TIMM9: variants seen among roughly 807,000 people sequenced by gnomAD.
TIMM9 encodes mitochondrial import inner membrane translocase subunit Tim9.
TIMM9 carries 10 observed loss-of-function variants against 13.4 expected under a neutral mutation model. The ratio of observed to expected loss-of-function variants is 0.75; its 90% confidence interval spans 0.46 to 1.26. TIMM9 has a LOEUF of 1.26. TIMM9 is among the 50% of genes most tolerant of loss of function. The pLI, the probability that TIMM9 is intolerant of heterozygous loss-of-function variation, is 0.00. For synonymous variants in TIMM9, 32 were observed against 32.1 expected, an observed-to-expected ratio of 1.00 and a Z score of 0.01; for missense variants, 87 against 100.8, an observed-to-expected ratio of 0.86 and a Z score of 0.58.
chr14:58,416,754 C>T (rs1304774843), intron 3 of TIMM9, among the ~76,000 whole-genome samples: 3 of 152,158 alleles, frequency 2.0e-5, no homozygotes, highest in African/African-American at 4.8e-5. Context: ...GACATCATTA[C>T]ATGGTGATAA....
chr14:58,411,829 AC>A, intron 4 of TIMM9, 77 bp downstream of exon 4: 1 of 1,365,398 alleles, frequency 7.3e-7, no homozygotes, highest in East Asian at 2.3e-5. Context: ...GAGCCACTGC[AC>A]CCAGCCTGAC....
intron 5 of TIMM9, among the ~76,000 whole-genome samples, chr14:58,409,769 G>A (rs985642802): frequency 2.0e-5 from 3 of 151,546 alleles, no homozygotes; most frequent in African/African-American, 2.4e-5. Flanking sequence ...TAGTAGAGAC[G>A]GGGTTTCACT....
At chr14:58,415,757 G>A (rs895760500) in intron 3 of TIMM9, among the ~76,000 whole-genome samples, 2 of 152,094 alleles carry the variant, frequency 1.3e-5, no homozygotes, top group African/African-American at 4.8e-5. Context: ...CCAAGAAGGA[G>A]AGGAAGAAAA....
chr14:58,408,596 G>A lies in TIMM9; in HGVS notation c.*438C>T, dbSNP rs201607002. Reference sequence around the variant, plus strand: ...GATCCTGATTGAAAAACATTTCAACGTATCCACAGTCCAGTGAGAATACTA... The same window carrying A: ...GATCCTGATTGAAAAACATTTCAACATATCCACAGTCCAGTGAGAATACTA... On this transcript the variant is annotated 3_prime_UTR_variant, in exon 6 of 6. Coordinates refer to ENST00000395159, the MANE Select transcript of TIMM9 (RefSeq NM_012460.4). The A allele has an allele frequency of 2.0e-5, 33 of 1,611,684 alleles. No homozygotes were observed. Among genetic ancestry groups the A allele is most frequent in the African/African-American group, 5.3e-5 (4 of 74,930 alleles).
intron 4 of TIMM9, 47 bp downstream of exon 4, chr14:58,411,860 C>A: frequency 6.3e-7 from 1 of 1,576,536 alleles, no homozygotes; most frequent in South Asian, 1.1e-5. Context: ...TTAGTAGCAC[C>A]TTACATTTTT....
In TIMM9 at chr14:58,408,543, CATGA is replaced by C. The variant is rs2047707528; in HGVS notation, c.*487_*490del. 2 of 1,613,816 alleles carry C rather than the reference CATGA, an allele frequency of 1.2e-6. No homozygotes were observed. Among genetic ancestry groups the C allele is most frequent in the African/African-American group, 1.3e-5 (1 of 75,020 alleles). ...GTATTCACCAGCAATTTGAGGCAGA[CATGA>C]ATGAACAGGACTGCTTGGAGGATGA... On this transcript the variant is annotated 3_prime_UTR_variant, in exon 6 of 6. Transcript: ENST00000395159.
chr14:58,414,565 G>A (rs535998801), intron 3 of TIMM9, among the ~76,000 whole-genome samples: 6 of 151,536 alleles, frequency 4.0e-5, no homozygotes, highest in Non-Finnish European at 5.9e-5. Flanking sequence ...TAGTGAAACC[G>A]CATCTCTACT....
At chr14:58,423,374 C>T (rs942986692) in intron 3 of TIMM9, among the ~76,000 whole-genome samples, 17 of 151,478 alleles carry the variant, frequency 1.1e-4, no homozygotes, top group South Asian at 2.1e-4. Context: ...AAAAATTAGC[C>T]GGGCATGGTG....
chr14:58,422,512 A>G (rs2140341466), intron 3 of TIMM9, among the ~76,000 whole-genome samples: 1 of 152,334 alleles, frequency 6.6e-6, no homozygotes, highest in Non-Finnish European at 1.5e-5. Context: ...TCATGGTGAT[A>G]AATGATGGTT....
chr14:58,410,115 A>G (rs1250238573), intron 5 of TIMM9, among the ~76,000 whole-genome samples: 2 of 152,096 alleles, frequency 1.3e-5, no homozygotes, highest in African/African-American at 4.8e-5. Flanking sequence ...TCTGTCGCCC[A>G]GGCTAGAGTG....
intron 5 of TIMM9, 23 bp from the exon 6 acceptor site, chr14:58,409,191 C>T: frequency 3.7e-6 from 6 of 1,600,876 alleles, no homozygotes; most frequent in Non-Finnish European, 5.1e-6. Context: ...AGGGAAGATC[C>T]AAGAGGCAAC....
chr14:58,411,986 CA>C lies in TIMM9; in HGVS notation c.-26-16del. On this transcript the variant is annotated splice_polypyrimidine_tract_variant and intron_variant, in intron 3 of 5. Transcript: ENST00000395159. Reference sequence around the variant, plus strand: ...TTATTAGTCACCTAATTTAAAAATTCAAAACAAGTTTGTCAATCTATAAACA... The same window carrying C: ...TTATTAGTCACCTAATTTAAAAATTCAAACAAGTTTGTCAATCTATAAACA... The C allele has an allele frequency of 6.3e-7, 1 of 1,592,996 alleles. No individual in the cohort carries two copies. The highest frequency in any genetic ancestry group is 1.1e-5 in the South Asian group (1 of 90,396).
At chr14:58,410,050 T>C (rs954320799) in intron 5 of TIMM9, among the ~76,000 whole-genome samples, 33 of 151,936 alleles carry the variant, frequency 2.2e-4, no homozygotes, top group Admixed American at 2.1e-3. Flanking sequence ...TTTTATTTTT[T>C]AGTAGAGATG....
chr14:58,425,139 G>C (rs1460262575), intron 2 of TIMM9, among the ~76,000 whole-genome samples: 1 of 151,988 alleles, frequency 6.6e-6, no homozygotes, highest in African/African-American at 2.4e-5. Flanking sequence ...GGCCAGGCAT[G>C]ATGGTTCACG....
At chr14:58,419,954 A>G (rs568275282) in intron 3 of TIMM9, among the ~76,000 whole-genome samples, 1 of 152,258 alleles carries the variant, frequency 6.6e-6, no homozygotes, top group East Asian at 1.9e-4. Flanking sequence ...AAAACTACTA[A>G]AACTTTTATT....
At chr14:58,416,398 G>A (rs1416311751) in intron 3 of TIMM9, among the ~76,000 whole-genome samples, 1 of 152,158 alleles carries the variant, frequency 6.6e-6, no homozygotes, top group East Asian at 1.9e-4. Context: ...AATGTTTCAA[G>A]TGCTAAAGGA....
chr14:58,426,591 C>T (rs1343129538), intron 2 of TIMM9, among the ~76,000 whole-genome samples: 2 of 152,146 alleles, frequency 1.3e-5, no homozygotes, highest in African/African-American at 4.8e-5. Flanking sequence ...GCTTTTAGAT[C>T]GGATTACATT....
rs1228767908 is a variant in TIMM9 at position 58,412,101 on chromosome 14, T to C, written c.-26-130A>G. The C allele has an allele frequency of 4.6e-6, 3 of 650,874 alleles. No individual in the cohort carries two copies. The East Asian group carries it at 8.3e-5, about 18-fold the overall frequency. 40.3% of individuals were successfully genotyped at this position (650,874 alleles called of 1,614,324 possible). On this transcript the variant is annotated intron_variant, in intron 3 of 5. Transcript: ENST00000395159. ...TAATTGTATGCCACCACCCCCAATT[T>C]CTCAGATCATTAATGACCATAGAAC...
At chr14:58,427,008 C>G (rs1417805684) in intron 2 of TIMM9, 46 bp downstream of exon 2, 1 of 153,344 alleles carries the variant, frequency 6.5e-6, no homozygotes, top group Non-Finnish European at 1.5e-5. Context: ...CTGCCACCCC[C>G]CGTCCGGGAA....
Sources: allele counts gnomAD v4.1 joint callset (sites outside exome capture counted in the v4.1 genomes callset), GRCh38; gene constraint gnomAD v4.1.1; transcripts MANE v1.5; gene names NCBI Gene and HGNC (gene_info 2026-07-23, HGNC 2026-07-21).